The following LPAR1 variants were observed in gnomAD, a reference collection of about 807,000 sequenced individuals.
LPAR1 encodes LPA receptor 1.
Under a neutral mutation model 23.8 loss-of-function variants are expected in LPAR1, and 5 were observed. The observed-to-expected ratio is 0.21, with a 90% CI of 0.11 to 0.44. The LOEUF (loss-of-function observed/expected upper bound fraction) is 0.44. Ranked by LOEUF, LPAR1 falls within the 20% of genes least tolerant of loss-of-function variation. The pLI, the probability that LPAR1 is intolerant of heterozygous loss-of-function variation, is 0.99. For missense variants in LPAR1, 311 were observed against 482.8 expected (o/e 0.64, Z 3.33); for synonymous variants, 160 against 164.7 (o/e 0.97, Z 0.22).
intron 5 of LPAR1, among the ~76,000 whole-genome samples, chr9:110,907,607 C>G (rs142511984): frequency 6.6e-6 from 1 of 152,148 alleles, no homozygotes; most frequent in Non-Finnish European, 1.5e-5. Flanking sequence ...TTGACATTCA[C>G]ATGTCTGGAC....
At chr9:110,892,688 G>C (rs2084654308) in intron 5 of LPAR1, among the ~76,000 whole-genome samples, 1 of 149,238 alleles carries the variant, frequency 6.7e-6, no homozygotes, top group African/African-American at 2.5e-5. Context: ...AGGGGGAAGG[G>C]AGGGGAGGGG....
At chr9:110,921,985 C>T (rs2093661495) in intron 5 of LPAR1, among the ~76,000 whole-genome samples, 1 of 152,166 alleles carries the variant, frequency 6.6e-6, no homozygotes, top group South Asian at 2.1e-4. Flanking sequence ...CTGCAAAGGT[C>T]CAGAAGTTAC....
At chr9:110,929,229 A>G (rs1010097396) in intron 5 of LPAR1, among the ~76,000 whole-genome samples, 1 of 152,208 alleles carries the variant, frequency 6.6e-6, no homozygotes, top group Admixed American at 6.5e-5. Context: ...AAGTAAAGCC[A>G]TGACCACATT....
intron 4 of LPAR1, among the ~76,000 whole-genome samples, chr9:110,946,650 T>C (rs1278095142): frequency 6.6e-6 from 1 of 151,936 alleles, no homozygotes; most frequent in African/African-American, 2.4e-5. Context: ...GTATATAGTA[T>C]TTAACTCTTG....
chr9:110,885,785 G>A (rs758709562), intron 5 of LPAR1, among the ~76,000 whole-genome samples: 9 of 152,202 alleles, frequency 5.9e-5, no homozygotes, highest in Non-Finnish European at 8.8e-5. Flanking sequence ...TTACCAGGCC[G>A]GGCGTGGTGG....
rs1202704726 is a variant in LPAR1 at position 111,038,353 on chromosome 9, G to C, written c.-448C>G. On this transcript the variant is annotated 5_prime_UTR_variant, in exon 1 of 6. Coordinates refer to ENST00000683809, the MANE Select transcript of LPAR1 (RefSeq NM_001351411.2). The surrounding 1 kb of genome is among the most constrained non-coding windows in gnomAD (Gnocchi z 4.4). ...GCCGGGGTCCCGTGCTCGGCCGGGCGGCGGGGAGGGCTCCGCGGCTCCGGG... is the reference window on the plus strand; with the variant it reads ...GCCGGGGTCCCGTGCTCGGCCGGGCCGCGGGGAGGGCTCCGCGGCTCCGGG... The C allele has an allele frequency of 6.5e-6, 1 of 153,850 alleles. No individual in the cohort carries two copies. Among genetic ancestry groups the C allele is most frequent in the Non-Finnish European group, 1.4e-5 (1 of 69,948 alleles). 9.5% of individuals were successfully genotyped at this position (153,850 alleles called of 1,614,324 possible). A position where few individuals can be genotyped will look rare whatever the true frequency, so the allele number is the denominator to read the frequency against.
At chr9:111,003,327 C>T (rs574349378) in intron 2 of LPAR1, among the ~76,000 whole-genome samples, 4 of 152,092 alleles carry the variant, frequency 2.6e-5, no homozygotes, top group Admixed American at 2.6e-4. Context: ...CAAGCCAGAA[C>T]ACTCCACGGT....
intron 4 of LPAR1, among the ~76,000 whole-genome samples, chr9:110,957,619 C>T (rs954423068): frequency 6.6e-6 from 1 of 152,120 alleles, no homozygotes; most frequent in African/African-American, 2.4e-5. Context: ...GACAAATCCA[C>T]AGCTAACATC....
chr9:110,878,268 G>C (rs1371334236), intron 5 of LPAR1, among the ~76,000 whole-genome samples: 1 of 152,030 alleles, frequency 6.6e-6, no homozygotes, highest in Non-Finnish European at 1.5e-5. Flanking sequence ...TGGAAATTCT[G>C]CGCCCCCCTC....
chr9:110,967,368 G>A (rs1241381291), intron 4 of LPAR1, among the ~76,000 whole-genome samples: 2 of 152,172 alleles, frequency 1.3e-5, no homozygotes, highest in Non-Finnish European at 2.9e-5. Flanking sequence ...GACAATGCAA[G>A]CTTTCTTCCC....
chr9:110,948,423 A>G (rs973229857), intron 4 of LPAR1, among the ~76,000 whole-genome samples: 2 of 152,250 alleles, frequency 1.3e-5, no homozygotes, highest in Non-Finnish European at 2.9e-5. Flanking sequence ...TAGGAGGTTT[A>G]TCTGAAAAAG....
chr9:110,938,740 G>A (rs934967542), intron 5 of LPAR1, among the ~76,000 whole-genome samples: 3 of 151,842 alleles, frequency 2.0e-5, no homozygotes, highest in African/African-American at 7.3e-5. Flanking sequence ...TGGGTGTGGT[G>A]GTATGCACCT....
chr9:110,977,970 C>T (rs2096595697), intron 2 of LPAR1, among the ~76,000 whole-genome samples: 1 of 151,668 alleles, frequency 6.6e-6, no homozygotes, highest in Non-Finnish European at 1.5e-5. Context: ...ATTGACTTCC[C>T]TAAGGATAAG....
chr9:111,029,118 T>C (rs1162398625), intron 2 of LPAR1, among the ~76,000 whole-genome samples: 1 of 152,232 alleles, frequency 6.6e-6, no homozygotes, highest in African/African-American at 2.4e-5. Context: ...GAAATAAGCC[T>C]TGTCCTTGTT....
At chr9:111,001,758 C>G (rs1383335043) in intron 2 of LPAR1, among the ~76,000 whole-genome samples, 2 of 152,032 alleles carry the variant, frequency 1.3e-5, no homozygotes, top group African/African-American at 4.8e-5. Flanking sequence ...AATACAGAAA[C>G]AAGAAGTTAA....
chr9:110,956,672 G>A (rs2137015199), intron 4 of LPAR1, among the ~76,000 whole-genome samples: 1 of 151,976 alleles, frequency 6.6e-6, no homozygotes, highest in African/African-American at 2.4e-5. Flanking sequence ...CTATACGCTA[G>A]CAAACTGGAA....
chr9:110,898,621 AAAGC>A (rs1268967708), intron 5 of LPAR1, among the ~76,000 whole-genome samples: 1 of 152,222 alleles, frequency 6.6e-6, no homozygotes, highest in Non-Finnish European at 1.5e-5. Context: ...GCTATGTTTA[AAAGC>A]AAGCCTCCAA....
chr9:110,929,692 C>A (rs1029860511), intron 5 of LPAR1, among the ~76,000 whole-genome samples: 1 of 140,668 alleles, frequency 7.1e-6, no homozygotes, highest in African/African-American at 2.8e-5. Context: ...TATTTCCCAG[C>A]CAATAATGTG....
chr9:110,987,772 A>T (rs1400935995), intron 2 of LPAR1, among the ~76,000 whole-genome samples: 3 of 152,012 alleles, frequency 2.0e-5, no homozygotes, highest in Non-Finnish European at 4.4e-5. Context: ...AAAAATATGC[A>T]TATAAATGGA....
Sources: allele counts gnomAD v4.1 joint callset (sites outside exome capture counted in the v4.1 genomes callset), GRCh38; gene constraint gnomAD v4.1.1; non-coding constraint Gnocchi (gnomAD v3.1); transcripts MANE v1.5; gene names NCBI Gene and HGNC (gene_info 2026-07-23, HGNC 2026-07-21).